C10orf90: variants seen among roughly 807,000 people sequenced by gnomAD.
C10orf90 encodes chromosome 10 open reading frame 90, also known as (E2-independent) E3 ubiquitin-conjugating enzyme FATS.
A neutral mutation model predicts 62.5 loss-of-function variants in C10orf90; 56 were observed. The ratio of observed to expected loss-of-function variants is 0.90; its 90% CI spans 0.72 to 1.12. The LOEUF (loss-of-function observed/expected upper bound fraction) is 1.12, where lower values mean the gene tolerates loss of function less well. Ranked by LOEUF, C10orf90 falls within the 50% of genes most tolerant of loss-of-function variation. The pLI is 0.00. For synonymous variants in C10orf90, 386 were observed against 340.4 expected, an observed-to-expected ratio of 1.13 and a Z score of -1.47; for missense variants, 970 against 880.4, an observed-to-expected ratio of 1.10 and a Z score of -1.29.
intron 2 of C10orf90, among the ~76,000 whole-genome samples, chr10:126,560,866 G>T (rs569837167): frequency 2.0e-5 from 3 of 152,158 alleles, no homozygotes; most frequent in African/African-American, 7.2e-5. Context: ...TATAATTTTT[G>T]CATGGCATAA....
rs565184223 is a variant in C10orf90, at chr10:126,598,272, G to T, written c.313+48293C>A. 1.1e-4 allele frequency among the ~76,000 whole-genome samples: 17 copies of T among 152,284 alleles called. No homozygotes were observed. The South Asian group carries it at 3.3e-3, about 30-fold the overall frequency. On this transcript the variant is annotated intron_variant, in intron 2 of 9. Transcript: ENST00000488181. ...CCCTTCTCCAGCAGCTGTAGGACTG[G>T]GTAACAGGTCTAGCAGGGCTAGCCT...
chr10:126,543,231 A>G lies in C10orf90; in HGVS notation c.314-29292T>C, dbSNP rs191274110. 2.6e-5 allele frequency among the ~76,000 whole-genome samples: 4 copies of G among 152,312 alleles called. No homozygotes were observed. In the East Asian group the frequency reaches 5.8e-4, roughly 22 times the overall value. ...TGTGCTGCTTAGACACAGTTCAACA[A>G]ATTTGTAAATATTCAAGCCTGCTAG... On this transcript the variant is annotated intron_variant, in intron 2 of 9. Coordinates refer to ENST00000488181, the MANE Select transcript of C10orf90 (RefSeq NM_001350921.2).
chr10:126,484,210 G>C (rs1312750570), intron 4 of C10orf90, among the ~76,000 whole-genome samples: 1 of 152,028 alleles, frequency 6.6e-6, no homozygotes, highest in Non-Finnish European at 1.5e-5. Flanking sequence ...TTCTCTTCAT[G>C]AATACGCCAA....
intron 2 of C10orf90, among the ~76,000 whole-genome samples, chr10:126,621,517 T>C (rs577327599): frequency 1.3e-5 from 2 of 152,346 alleles, no homozygotes; most frequent in South Asian, 2.1e-4. Flanking sequence ...CAATTTTTGC[T>C]GAGTGGATGG....
chr10:126,659,006 T>C (rs1354215046), intron 1 of C10orf90, among the ~76,000 whole-genome samples: 1 of 152,228 alleles, frequency 6.6e-6, no homozygotes, highest in Non-Finnish European at 1.5e-5. Context: ...CCACAGAGTC[T>C]TCATGGTTTC....
chr10:126,531,592 A>C (rs1008206557), intron 2 of C10orf90, among the ~76,000 whole-genome samples: 11 of 152,378 alleles, frequency 7.2e-5, no homozygotes, highest in African/African-American at 2.6e-4. Flanking sequence ...ACTGAAGAAT[A>C]ATATGCCTCA....
intron 2 of C10orf90, among the ~76,000 whole-genome samples, chr10:126,540,322 TGACAATTA>T (rs994407357): frequency 6.6e-6 from 1 of 152,092 alleles, no homozygotes; most frequent in Non-Finnish European, 1.5e-5. Context: ...ATCAAAAACT[TGACAATTA>T]GATTTATAAA....
At chr10:126,598,567 C>T (rs2134037447) in intron 2 of C10orf90, among the ~76,000 whole-genome samples, 1 of 152,286 alleles carries the variant, frequency 6.6e-6, no homozygotes, top group Admixed American at 6.5e-5. Context: ...AGCTTGTGGT[C>T]TCTTCAGCTC....
At chr10:126,471,770 T>C (rs1209292020) in intron 4 of C10orf90, among the ~76,000 whole-genome samples, 3 of 152,194 alleles carry the variant, frequency 2.0e-5, no homozygotes, top group Admixed American at 6.5e-5. Context: ...AAAGAATATA[T>C]AGAAAGGACT....
At chr10:126,561,451 G>A (rs2133988227) in intron 2 of C10orf90, among the ~76,000 whole-genome samples, 1 of 152,252 alleles carries the variant, frequency 6.6e-6, no homozygotes, top group East Asian at 1.9e-4. Context: ...AGGAGACTGT[G>A]GGTGTGAAAT....
At chr10:126,642,171 T>C (rs1184383257) in intron 2 of C10orf90, among the ~76,000 whole-genome samples, 5 of 152,092 alleles carry the variant, frequency 3.3e-5, no homozygotes, top group Non-Finnish European at 7.4e-5. Context: ...AATGAGGAAG[T>C]GGAAGGACCA....
chr10:126,425,574 C>T lies in C10orf90; in HGVS notation c.*290G>A, dbSNP rs1049371955. 2.2e-4 allele frequency: 94 copies of T among 420,456 alleles called. No individual in the cohort carries two copies. The highest frequency in any genetic ancestry group is 1.6e-4 in the Non-Finnish European group (39 of 239,582). The allele number at this position is 420,456 out of a possible 1,614,324, so 26.0% of individuals were successfully genotyped here. A position where few individuals can be genotyped will look rare whatever the true frequency, so the allele number is the denominator to read the frequency against. On this transcript the variant is annotated 3_prime_UTR_variant, in exon 10 of 10. Coordinates refer to ENST00000488181, the MANE Select transcript of C10orf90 (RefSeq NM_001350921.2). ...CAGGAAACAGCAGGGGAGAAGAAAT[C>T]AGAAGCAAAAGGTACAATTTAGAAG...
chr10:126,647,571 T>C (rs1190562301), intron 1 of C10orf90, among the ~76,000 whole-genome samples: 3 of 152,212 alleles, frequency 2.0e-5, no homozygotes, highest in African/African-American at 7.2e-5. Context: ...GATCCCATAG[T>C]GGAAGAGACA....
At chr10:126,553,376 C>A (rs1591091854) in intron 2 of C10orf90, among the ~76,000 whole-genome samples, 1 of 152,108 alleles carries the variant, frequency 6.6e-6, no homozygotes, top group East Asian at 1.9e-4. Context: ...TAGCTAGTGA[C>A]AAATAAGGAC....
chr10:126,571,827 T>C (rs1367031288), intron 2 of C10orf90, among the ~76,000 whole-genome samples: 1 of 152,136 alleles, frequency 6.6e-6, no homozygotes, highest in East Asian at 1.9e-4. Context: ...CTCAGGCCAC[T>C]GGCTACCAAA....
At chr10:126,442,942 T>TA (rs959050323) in intron 7 of C10orf90, among the ~76,000 whole-genome samples, 2 of 151,866 alleles carry the variant, frequency 1.3e-5, no homozygotes, top group East Asian at 2.0e-4. Flanking sequence ...AGATGGAAAT[T>TA]AAAAAATTCA....
At chr10:126,502,681 C>G (rs550992066) in intron 4 of C10orf90, 199 of 383,326 alleles carry the variant, frequency 5.2e-4, no homozygotes, top group Admixed American at 1.3e-4. Flanking sequence ...TGTGCTTTAA[C>G]TGGGGTAACA....
At chr10:126,565,407 T>A (rs1437540794) in intron 2 of C10orf90, among the ~76,000 whole-genome samples, 7 of 47,286 alleles carry the variant, frequency 1.5e-4, no homozygotes, top group East Asian at 1.2e-3. Flanking sequence ...ATATTATATA[T>A]AATATATATT....
chr10:126,446,263 C>T (rs1047830982), intron 7 of C10orf90, among the ~76,000 whole-genome samples: 25 of 151,830 alleles, frequency 1.6e-4, no homozygotes, highest in Non-Finnish European at 1.6e-4. Flanking sequence ...AAGATATAAA[C>T]GTCCAGATAC....
Sources: allele counts gnomAD v4.1 joint callset (sites outside exome capture counted in the v4.1 genomes callset), GRCh38; gene constraint gnomAD v4.1.1; transcripts MANE v1.5; gene names NCBI Gene and HGNC (gene_info 2026-07-23, HGNC 2026-07-21).